Variants in DCC observed in about 807,000 individuals in gnomAD.
DCC encodes the protein DCC netrin 1 receptor, also known as netrin receptor DCC.
A neutral mutation model predicts 172.5 loss-of-function variants in DCC; 58 were observed. The observed-to-expected ratio is 0.34, with a 90% CI of 0.27 to 0.42. DCC has a LOEUF of 0.42. Ranked by LOEUF, DCC falls within the 10% of genes least tolerant of loss-of-function variation. DCC has a pLI of 1.00. For missense variants in DCC, 1,740 were observed against 1,791.0 expected (o/e 0.97, Z 0.51); for synonymous variants, 709 against 644.5 (o/e 1.10, Z -1.52).
chr18:53,336,439 T>C (rs1389167176), intron 14 of DCC, among the ~76,000 whole-genome samples: 1 of 152,206 alleles, frequency 6.6e-6, no homozygotes, highest in Admixed American at 6.5e-5. Flanking sequence ...TATCATGGAT[T>C]ATGAACAATC....
intron 25 of DCC, among the ~76,000 whole-genome samples, chr18:53,473,105 G>T (rs1449673202): frequency 6.6e-6 from 1 of 151,966 alleles, no homozygotes; most frequent in Non-Finnish European, 1.5e-5. Flanking sequence ...TCTTACAAAT[G>T]CTTTTCTGAT....
At chr18:53,120,929 A>G (rs958293261) in intron 7 of DCC, among the ~76,000 whole-genome samples, 1 of 151,920 alleles carries the variant, frequency 6.6e-6, no homozygotes, top group African/African-American at 2.4e-5. Context: ...TTTTAGAAAA[A>G]CATTGAAGTA....
chr18:53,038,342 C>T (rs1485203716), intron 5 of DCC, among the ~76,000 whole-genome samples: 1 of 151,924 alleles, frequency 6.6e-6, no homozygotes, highest in African/African-American at 2.4e-5. Context: ...AACGGAGTGG[C>T]TTAAACAACA....
At chr18:52,948,435 CTATCATT>C (rs2040584303) in intron 5 of DCC, among the ~76,000 whole-genome samples, 1 of 151,992 alleles carries the variant, frequency 6.6e-6, no homozygotes, top group Non-Finnish European at 1.5e-5. Context: ...TCTTTCAAAG[CTATCATT>C]TATTGAACAT....
intron 27 of DCC, among the ~76,000 whole-genome samples, chr18:53,508,802 G>A (rs1192887554): frequency 6.6e-6 from 1 of 152,172 alleles, no homozygotes; most frequent in East Asian, 1.9e-4. Flanking sequence ...TCTGAATGTC[G>A]TTCCCTTAGT....
At chr18:53,419,131 A>T (rs1379854630) in intron 21 of DCC, among the ~76,000 whole-genome samples, 1 of 152,166 alleles carries the variant, frequency 6.6e-6, no homozygotes, top group Non-Finnish European at 1.5e-5. Context: ...TTAGATAGAA[A>T]ATCTATGCTT....
chr18:52,504,358 A>G (rs894153854), intron 1 of DCC, among the ~76,000 whole-genome samples: 1 of 152,136 alleles, frequency 6.6e-6, no homozygotes, highest in African/African-American at 2.4e-5. Flanking sequence ...GATGACAGGG[A>G]ACATACTGGT....
At chr18:53,345,398 G>T (rs907776236) in intron 15 of DCC, among the ~76,000 whole-genome samples, 35 of 152,164 alleles carry the variant, frequency 2.3e-4, no homozygotes, top group South Asian at 1.7e-3. Flanking sequence ...TTATCATATG[G>T]ACTATTCCTT....
At chr18:53,142,351 C>A (rs1173135256) in intron 7 of DCC, among the ~76,000 whole-genome samples, 4 of 152,318 alleles carry the variant, frequency 2.6e-5, no homozygotes, top group South Asian at 2.1e-4. Context: ...TAGAATTAAT[C>A]TTTTCACACT....
At chr18:53,108,377 T>C (rs1228251628) in intron 7 of DCC, among the ~76,000 whole-genome samples, 1 of 151,804 alleles carries the variant, frequency 6.6e-6, no homozygotes, top group African/African-American at 2.4e-5. Flanking sequence ...CTAGGAAGAA[T>C]GTATCCACAC....
intron 7 of DCC, among the ~76,000 whole-genome samples, chr18:53,103,471 G>A (rs901003668): frequency 6.6e-6 from 1 of 151,906 alleles, no homozygotes. Context: ...CTTGAGCCTG[G>A]GCTCAAGTGA....
intron 7 of DCC, among the ~76,000 whole-genome samples, chr18:53,090,626 A>C (rs1332832655): frequency 2.2e-5 from 3 of 137,262 alleles, no homozygotes; most frequent in Non-Finnish European, 1.6e-5. Flanking sequence ...CCCGGGAGGC[A>C]GAGCTTGCAG....
chr18:53,402,275 G>A (rs962706688), intron 18 of DCC, among the ~76,000 whole-genome samples: 4 of 151,752 alleles, frequency 2.6e-5, no homozygotes, highest in Admixed American at 6.6e-5. Flanking sequence ...CAGTGGATCC[G>A]GCTACTCAGG....
At chr18:53,087,546 G>C (rs532977275) in intron 7 of DCC, among the ~76,000 whole-genome samples, 1 of 152,002 alleles carries the variant, frequency 6.6e-6, no homozygotes, top group Non-Finnish European at 1.5e-5. Context: ...CTCCCATTTT[G>C]TAGGTTGCCT....
chr18:53,070,584 T>A (rs1420452644), intron 7 of DCC, among the ~76,000 whole-genome samples: 4 of 152,144 alleles, frequency 2.6e-5, no homozygotes, highest in Non-Finnish European at 4.4e-5. Flanking sequence ...CCATAAAGTG[T>A]CAAGGCTCTC....
chr18:53,500,678 T>G (rs2046086085), intron 27 of DCC, among the ~76,000 whole-genome samples: 1 of 151,876 alleles, frequency 6.6e-6, no homozygotes, highest in African/African-American at 2.4e-5. Flanking sequence ...ATATGGATAC[T>G]CAGCTACACA....
chr18:52,880,340 G>T (rs1020876528), intron 2 of DCC, among the ~76,000 whole-genome samples: 1 of 152,084 alleles, frequency 6.6e-6, no homozygotes, highest in Non-Finnish European at 1.5e-5. Flanking sequence ...TAGAGATGTG[G>T]TTTCACCATG....
intron 1 of DCC, among the ~76,000 whole-genome samples, chr18:52,725,972 A>G (rs114253320): frequency 6.6e-6 from 1 of 152,338 alleles, no homozygotes; most frequent in African/African-American, 2.4e-5. Flanking sequence ...TAGGGGAAAC[A>G]GAATGAACTG....
At chr18:52,641,864 G>A (rs144096789) in intron 1 of DCC, among the ~76,000 whole-genome samples, 3 of 151,474 alleles carry the variant, frequency 2.0e-5, no homozygotes. Flanking sequence ...CCCACTACTG[G>A]GTATCTACCT....
Sources: allele counts gnomAD v4.1 joint callset (sites outside exome capture counted in the v4.1 genomes callset), GRCh38; gene constraint gnomAD v4.1.1; transcripts MANE v1.5; gene names NCBI Gene and HGNC (gene_info 2026-07-23, HGNC 2026-07-21).